KLHL14: variants seen among roughly 807,000 people sequenced by gnomAD.
KLHL14 encodes kelch like family member 14.
KLHL14 carries 22 observed loss-of-function variants against 64.3 expected under a neutral mutation model. That is an observed-to-expected ratio of 0.34 (90% CI 0.24 to 0.49). KLHL14 has a LOEUF of 0.49. Among genes scored for constraint, KLHL14 ranks in the 20% least tolerant of loss-of-function variants. The pLI is 0.99. For synonymous variants in KLHL14, 322 were observed against 333.4 expected, an observed-to-expected ratio of 0.97 and a Z score of 0.37; for missense variants, 661 against 789.0, an observed-to-expected ratio of 0.84 and a Z score of 1.94.
At position 32,687,247 on chromosome 18, in the gene KLHL14, T is replaced by A. The variant is rs759944913; in HGVS notation, c.1160-14A>T. The A allele has an allele frequency of 6.3e-7, 1 of 1,596,706 alleles. No individual in the cohort carries two copies. The highest frequency in any genetic ancestry group is 8.6e-7 in the Non-Finnish European group (1 of 1,164,206). ...TACTGTGTTTTCCTGTAAAAATGCA[T>A]TCGAGACATTTAAAACTTAGATTCT... On this transcript the variant is annotated splice_polypyrimidine_tract_variant and intron_variant, in intron 4 of 8. Coordinates refer to ENST00000359358, the MANE Select transcript of KLHL14 (RefSeq NM_020805.3).
At chr18:32,706,088 A>T (rs557036075) in intron 3 of KLHL14, among the ~76,000 whole-genome samples, 3 of 152,234 alleles carry the variant, frequency 2.0e-5, no homozygotes, top group African/African-American at 7.2e-5. Context: ...CGTTGCACTT[A>T]TTTGACTTTA....
intron 4 of KLHL14, among the ~76,000 whole-genome samples, chr18:32,690,642 T>G (rs1313810186): frequency 6.6e-6 from 1 of 152,092 alleles, no homozygotes; most frequent in African/African-American, 2.4e-5. Context: ...GGCAGGAGAA[T>G]CACTTGAACC....
At chr18:32,741,596 C>A (rs531241892) in intron 3 of KLHL14, among the ~76,000 whole-genome samples, 4 of 152,128 alleles carry the variant, frequency 2.6e-5, no homozygotes, top group Admixed American at 2.6e-4. Flanking sequence ...CATAAACCAA[C>A]CTTTTGCTTT....
At chr18:32,700,756 T>G (rs2049962240) in intron 3 of KLHL14, among the ~76,000 whole-genome samples, 1 of 152,146 alleles carries the variant, frequency 6.6e-6, no homozygotes, top group African/African-American at 2.4e-5. Context: ...TAAGCTCTTT[T>G]GTTTCAAATG....
chr18:32,758,667 A>G (rs1011661327), intron 2 of KLHL14, among the ~76,000 whole-genome samples: 5 of 152,264 alleles, frequency 3.3e-5, no homozygotes, highest in Admixed American at 6.5e-5. Context: ...AGCATTATTC[A>G]TAATAGCAAA....
intron 2 of KLHL14, among the ~76,000 whole-genome samples, chr18:32,751,078 G>A (rs1257172261): frequency 6.6e-6 from 1 of 152,160 alleles, no homozygotes; most frequent in Non-Finnish European, 1.5e-5. Context: ...AATTTCATAT[G>A]GAAGCTGCTC....
chr18:32,766,238 T>C (rs1319684688), intron 2 of KLHL14, among the ~76,000 whole-genome samples: 1 of 152,108 alleles, frequency 6.6e-6, no homozygotes, highest in African/African-American at 2.4e-5. Flanking sequence ...TCCAATTTGA[T>C]TTATTTGGGA....
In KLHL14 at chr18:32,683,255, A is replaced by G. The variant is rs570139163; in HGVS notation, c.1239-2656T>C. Among the ~76,000 whole-genome samples the G allele has an allele frequency of 6.6e-6, 1 of 152,276 alleles. No homozygotes were observed. The highest frequency in any genetic ancestry group is 6.5e-5 in the Admixed American group (1 of 15,294). On this transcript the variant is annotated intron_variant, in intron 5 of 8. Coordinates refer to ENST00000359358, the MANE Select transcript of KLHL14 (RefSeq NM_020805.3). The surrounding 1 kb of genome is among the most constrained non-coding windows in gnomAD (Gnocchi z 4.2). ...CTCCTAGCTTTATCCACACAGTGTC[A>G]CTGTTAGGATCTAAATGGGAAAAAA...
chr18:32,727,565 T>C (rs1229334534), intron 3 of KLHL14, among the ~76,000 whole-genome samples: 2 of 152,224 alleles, frequency 1.3e-5, no homozygotes, highest in Admixed American at 1.3e-4. Flanking sequence ...CATCCCCTTA[T>C]CTGCACATAT....
intron 7 of KLHL14, among the ~76,000 whole-genome samples, chr18:32,679,743 T>TA (rs1183998346): frequency 6.6e-6 from 1 of 152,186 alleles, no homozygotes; most frequent in Non-Finnish European, 1.5e-5. Context: ...ATATTACCTT[T>TA]AAAAAAATCA....
intron 3 of KLHL14, among the ~76,000 whole-genome samples, chr18:32,696,854 AAC>A (rs2049939365): frequency 6.6e-6 from 1 of 152,236 alleles, no homozygotes; most frequent in African/African-American, 2.4e-5. Context: ...TGAGACTCAT[AAC>A]ACAGCCTCTG....
intron 3 of KLHL14, among the ~76,000 whole-genome samples, chr18:32,702,271 A>C (rs1173692896): frequency 6.6e-6 from 1 of 152,100 alleles, no homozygotes; most frequent in Non-Finnish European, 1.5e-5. Flanking sequence ...GAAAACAAAT[A>C]ACCTGAAAGA....
At chr18:32,700,170 A>C (rs1376235527) in intron 3 of KLHL14, among the ~76,000 whole-genome samples, 2 of 152,142 alleles carry the variant, frequency 1.3e-5, no homozygotes, top group African/African-American at 4.8e-5. Flanking sequence ...AATTTTCATG[A>C]ATATCCAAAC....
In KLHL14 at chr18:32,768,746, G is replaced by C. The variant is rs112287199; in HGVS notation, c.947+899C>G. On this transcript the variant is annotated intron_variant, in intron 2 of 8. Transcript: ENST00000359358. Reference sequence around the variant, plus strand: ...TTTATCTCAGCAGCATTTTTAAAAGGCATCATTTCTCTCTCCCCTGAAATC... The same window carrying C: ...TTTATCTCAGCAGCATTTTTAAAAGCCATCATTTCTCTCTCCCCTGAAATC... Among the ~76,000 whole-genome samples the C allele has an allele frequency of 2.1e-3, 316 of 152,134 alleles. 1 individual carries two copies. Among genetic ancestry groups the C allele is most frequent in the African/African-American group, 7.4e-3 (305 of 41,486 alleles).
chr18:32,715,372 A>G (rs1414724216), intron 3 of KLHL14, among the ~76,000 whole-genome samples: 2 of 152,184 alleles, frequency 1.3e-5, no homozygotes, highest in Non-Finnish European at 2.9e-5. Context: ...AGACAAACAC[A>G]TTAAATTCAC....
At chr18:32,753,488 T>C (rs2050267072) in intron 2 of KLHL14, among the ~76,000 whole-genome samples, 1 of 151,348 alleles carries the variant, frequency 6.6e-6, no homozygotes, top group Admixed American at 6.6e-5. Flanking sequence ...TCCTCTAGCA[T>C]GCAGTTACGG....
chr18:32,705,167 GA>G (rs1174593796), intron 3 of KLHL14, among the ~76,000 whole-genome samples: 4 of 152,186 alleles, frequency 2.6e-5, no homozygotes, highest in African/African-American at 9.7e-5. Flanking sequence ...TGAATTATTA[GA>G]ATTAGATCAA....
chr18:32,677,772 T>C (rs2049818738), intron 7 of KLHL14, among the ~76,000 whole-genome samples: 1 of 152,184 alleles, frequency 6.6e-6, no homozygotes, highest in Non-Finnish European at 1.5e-5. Context: ...TTTCATTTTA[T>C]AGATAAGGGA....
chr18:32,704,901 A>C (rs2049982914), intron 3 of KLHL14, among the ~76,000 whole-genome samples: 1 of 152,216 alleles, frequency 6.6e-6, no homozygotes. Context: ...GAACAGATAA[A>C]TAGGATACAG....
Sources: gnomAD v4.1 joint callset for allele counts (sites outside exome capture counted in the v4.1 genomes callset) on GRCh38, gnomAD v4.1.1 for gene constraint, Gnocchi (gnomAD v3.1) non-coding constraint, MANE v1.5 for transcripts, NCBI Gene and HGNC (gene_info 2026-07-23, HGNC 2026-07-21) for gene names.